LARS2: variants seen among roughly 807,000 people sequenced by gnomAD.
LARS2 encodes leucine--tRNA ligase, mitochondrial.
In LARS2, 81 loss-of-function variants were observed where a neutral mutation model predicts 116.6. That is an observed-to-expected ratio of 0.69 (90% CI 0.58 to 0.84). The LOEUF (loss-of-function observed/expected upper bound fraction) is 0.84, where lower values mean the gene tolerates loss of function less well. LARS2 is among the 40% of genes least tolerant of loss of function. LARS2 has a pLI of 0.00. For missense variants in LARS2, 968 were observed against 1,114.5 expected (o/e 0.87, Z 1.87); for synonymous variants, 396 against 407.2 (o/e 0.97, Z 0.33).
chr3:45,443,675 G>A (rs568792723), intron 6 of LARS2, among the ~76,000 whole-genome samples: 4 of 152,122 alleles, frequency 2.6e-5, no homozygotes, highest in African/African-American at 4.8e-5. Context: ...TCAGTACGAC[G>A]GAACTTATGA....
chr3:45,453,218 G>A (rs184885037), intron 7 of LARS2, among the ~76,000 whole-genome samples: 3 of 151,438 alleles, frequency 2.0e-5, no homozygotes, highest in African/African-American at 4.9e-5. Flanking sequence ...TTTGGGTTTG[G>A]TTTGTTCTTG....
chr3:45,442,727 C>T (rs375231773), intron 6 of LARS2, among the ~76,000 whole-genome samples: 1 of 152,152 alleles, frequency 6.6e-6, no homozygotes, highest in African/African-American at 2.4e-5. Context: ...GATAGGGCTA[C>T]CCCCGATGGA....
intron 14 of LARS2, among the ~76,000 whole-genome samples, chr3:45,499,614 C>G (rs935223233): frequency 6.6e-6 from 1 of 151,580 alleles, no homozygotes; most frequent in African/African-American, 2.4e-5. Context: ...CAAGCAAGAC[C>G]CAAACTTTAA....
Position 45,547,371 on chromosome 3 carries a change from CA to C in LARS2, c.2557del (p.Ile853PhefsTer91). The part of the protein sequence containing the change: ...AVLINNKACG[K>X]IPVPQQVARD... The stretch of plus-strand genomic sequence containing the variant: ...CTCAGATCAACAATAAAGCTTGTGG[CA>C]AAATTCCTGTGCCCCAACAAGTTGC... On this transcript the variant is annotated frameshift_variant, in exon 22 of 22. Coordinates refer to ENST00000645846, the MANE Select transcript of LARS2 (RefSeq NM_015340.4). LOFTEE classifies it high-confidence loss of function. 1 of 1,609,458 alleles carries C rather than the reference CA, an allele frequency of 6.2e-7. No individual in the cohort carries two copies. The highest frequency in any genetic ancestry group is 8.5e-7 in the Non-Finnish European group (1 of 1,178,608).
intron 4 of LARS2, among the ~76,000 whole-genome samples, chr3:45,415,956 A>C (rs1422272977): frequency 6.6e-6 from 1 of 150,852 alleles, no homozygotes; most frequent in Non-Finnish European, 1.5e-5. Flanking sequence ...AATGATGTAT[A>C]GGGCTTAGTC....
intron 20 of LARS2, among the ~76,000 whole-genome samples, chr3:45,537,466 A>G (rs1439027458): frequency 2.0e-5 from 3 of 152,220 alleles, no homozygotes; most frequent in African/African-American, 7.2e-5. Context: ...ATCATGTAAA[A>G]GTATGTGTGA....
intron 6 of LARS2, among the ~76,000 whole-genome samples, chr3:45,431,120 A>G (rs1168816164): frequency 6.6e-6 from 1 of 152,226 alleles, no homozygotes; most frequent in South Asian, 2.1e-4. Flanking sequence ...GGACACAGCA[A>G]TATGACAGAC....
intron 3 of LARS2, 142 bp downstream of exon 3, chr3:45,394,829 T>G: frequency 1.6e-6 from 1 of 632,764 alleles, no homozygotes; most frequent in Non-Finnish European, 2.8e-6. Flanking sequence ...TTCAATTCTC[T>G]TATCTGAGAT....
At chr3:45,395,792 T>C (rs1698033385) in intron 3 of LARS2, among the ~76,000 whole-genome samples, 1 of 152,188 alleles carries the variant, frequency 6.6e-6, no homozygotes, top group African/African-American at 2.4e-5. Context: ...AAAGATGATT[T>C]TGGGCAATGG....
intron 7 of LARS2, among the ~76,000 whole-genome samples, chr3:45,454,078 GATGAGAGGC>G (rs1305388159): frequency 6.6e-6 from 1 of 152,194 alleles, no homozygotes; most frequent in African/African-American, 2.4e-5. Flanking sequence ...GTAATGATGA[GATGAGAGGC>G]GTGAGGGTTT....
At chr3:45,484,630 A>AAAAAAATATATATATATATATATATAT (rs1553634443) in intron 10 of LARS2, among the ~76,000 whole-genome samples, 2 of 9,744 alleles carry the variant, frequency 2.1e-4, no homozygotes, top group Non-Finnish European at 3.2e-4. Context: ...AAAAAAAAAA[A>AAAAAAATATATATATATATATATATAT]ATATATATAT....
intron 13 of LARS2, 94 bp downstream of exon 13, chr3:45,491,894 C>A: frequency 8.2e-7 from 1 of 1,222,052 alleles, no homozygotes; most frequent in Non-Finnish European, 1.1e-6. Flanking sequence ...GCTAACTCTG[C>A]TCCCTTTTTC....
intron 19 of LARS2, among the ~76,000 whole-genome samples, chr3:45,523,230 T>C (rs1286750285): frequency 6.6e-6 from 1 of 152,228 alleles, no homozygotes; most frequent in Non-Finnish European, 1.5e-5. Flanking sequence ...TTGCCGGAAT[T>C]GACCAAAGGT....
intron 6 of LARS2, among the ~76,000 whole-genome samples, chr3:45,423,111 A>C (rs980059856): frequency 6.6e-6 from 1 of 152,212 alleles, no homozygotes; most frequent in African/African-American, 2.4e-5. Context: ...CAATCTGCTA[A>C]AAGATAGCTT....
chr3:45,480,702 A>G (rs944642390), intron 10 of LARS2, among the ~76,000 whole-genome samples: 4 of 152,196 alleles, frequency 2.6e-5, no homozygotes, highest in Non-Finnish European at 4.4e-5. Flanking sequence ...TTTCTAGGAA[A>G]TAGATTTTGA....
intron 14 of LARS2, among the ~76,000 whole-genome samples, chr3:45,499,329 C>T (rs1370278322): frequency 6.6e-6 from 1 of 152,136 alleles, no homozygotes; most frequent in African/African-American, 2.4e-5. Context: ...GTAATCCCAG[C>T]TACTCAGGAG....
intron 11 of LARS2, among the ~76,000 whole-genome samples, chr3:45,486,418 A>G (rs1465522709): frequency 6.6e-6 from 1 of 152,244 alleles, no homozygotes; most frequent in Non-Finnish European, 1.5e-5. Context: ...CTGAGAATGA[A>G]CAAAGAGAAG....
intron 8 of LARS2, among the ~76,000 whole-genome samples, chr3:45,464,915 G>A (rs1699395718): frequency 6.6e-6 from 1 of 152,100 alleles, no homozygotes; most frequent in Admixed American, 6.5e-5. Context: ...CTGTGGCTTC[G>A]AAGCTCTTAC....
chr3:45,525,319 G>A (rs1207785572), intron 20 of LARS2, among the ~76,000 whole-genome samples: 2 of 152,178 alleles, frequency 1.3e-5, no homozygotes, highest in East Asian at 1.9e-4. Context: ...GATATCTAAA[G>A]CCACTTTAAA....
Sources: allele counts gnomAD v4.1 joint callset (sites outside exome capture counted in the v4.1 genomes callset), GRCh38; gene constraint gnomAD v4.1.1; transcripts MANE v1.5; gene names NCBI Gene and HGNC (gene_info 2026-07-23, HGNC 2026-07-21).